ADAM18: variants seen among roughly 807,000 people sequenced by gnomAD.
ADAM18 encodes ADAM metallopeptidase domain 18, also known as disintegrin and metalloproteinase domain-containing protein 18.
Under a neutral mutation model 94.4 loss-of-function variants are expected in ADAM18, and 117 were observed. The observed-to-expected ratio is 1.24, with a 90% CI of 1.07 to 1.45. The LOEUF (loss-of-function observed/expected upper bound fraction) is 1.45, where lower values mean the gene tolerates loss of function less well. ADAM18 is among the 40% of genes most tolerant of loss of function. The pLI, the probability that ADAM18 is intolerant of heterozygous loss-of-function variation, is 0.00. For synonymous variants in ADAM18, 327 were observed against 291.6 expected (o/e 1.12, Z -1.24); for missense variants, 936 against 880.0 (o/e 1.06, Z -0.81).
intron 19 of ADAM18, among the ~76,000 whole-genome samples, chr8:39,729,017 T>C (rs576110543): frequency 6.6e-6 from 1 of 152,112 alleles, no homozygotes; most frequent in Non-Finnish European, 1.5e-5. Context: ...ATATTCTTAC[T>C]AGGATTGTTA....
intron 18 of ADAM18, among the ~76,000 whole-genome samples, chr8:39,708,900 G>A (rs898708430): frequency 2.0e-5 from 3 of 152,188 alleles, no homozygotes; most frequent in Admixed American, 6.5e-5. Context: ...CGGGCCCTGC[G>A]CCCGCATCTG....
chr8:39,721,910 C>A (rs1363453207), intron 18 of ADAM18, among the ~76,000 whole-genome samples: 1 of 150,742 alleles, frequency 6.6e-6, no homozygotes, highest in African/African-American at 2.4e-5. Context: ...TGCTAGCTAC[C>A]CAAAAGAAGA....
chr8:39,625,670 G>T (rs930341130), intron 6 of ADAM18, among the ~76,000 whole-genome samples: 2 of 151,818 alleles, frequency 1.3e-5, no homozygotes, highest in African/African-American at 4.8e-5. Context: ...CTCTCTGTGG[G>T]TTTGTCATAT....
rs143967659 is a variant in ADAM18, at chr8:39,610,685, C to T, written c.501C>T (p.Tyr167=). 3 of 1,613,006 alleles carry T rather than the reference C, an allele frequency of 1.9e-6. No individual in the cohort carries two copies. Among genetic ancestry groups the T allele is most frequent in the Admixed American group, 3.3e-5 (2 of 59,916 alleles). ...YSHIWQKDQP[Y]KVPLNSQIKN... ...ATATTTGGCAGAAAGACCAGCCCTA[C>T]AAAGTTCCTTTAAACTCACAGGTGA... The change falls in exon 6 of 20, where the codon TAC becomes TAT. Residue 167 remains tyrosine, a synonymous_variant. Transcript: ENST00000265707.
rs191242807 is a variant in ADAM18, at chr8:39,615,189, A to C, written c.522+4483A>C. ...TGCACATGGCATGTACTCTAAAATC[A>C]ACCACATGCTCGACCATAATGCAAT... On this transcript the variant is annotated intron_variant, in intron 6 of 19. Coordinates refer to ENST00000265707, the MANE Select transcript of ADAM18 (RefSeq NM_014237.3). 1.9e-3 allele frequency among the ~76,000 whole-genome samples: 294 copies of C among 152,146 alleles called. 3 individuals are homozygous for C. Among genetic ancestry groups the C allele is most frequent in the African/African-American group, 6.8e-3 (283 of 41,524 alleles).
intron 19 of ADAM18, among the ~76,000 whole-genome samples, chr8:39,724,374 G>T (rs901440663): frequency 6.6e-6 from 1 of 151,760 alleles, no homozygotes; most frequent in East Asian, 1.9e-4. Context: ...GTATTTTCTT[G>T]TAATCATTTT....
At chr8:39,718,553 G>T (rs888655314) in intron 18 of ADAM18, among the ~76,000 whole-genome samples, 3 of 151,436 alleles carry the variant, frequency 2.0e-5, no homozygotes, top group African/African-American at 7.3e-5. Flanking sequence ...TGGGGTGGTA[G>T]TATGATGGGG....
At position 39,606,292 on chromosome 8, in the gene ADAM18, T is replaced by C. The variant is rs200115951; in HGVS notation, c.133-15T>C. 1.3e-4 allele frequency: 183 copies of C among 1,438,990 alleles called. No individual in the cohort carries two copies. The Middle Eastern group carries it at 1.4e-3, about 11-fold the overall frequency. The allele number at this position is 1,438,990 out of a possible 1,614,324, so 89.1% of individuals were successfully genotyped here. A position where few individuals can be genotyped will look rare whatever the true frequency, so the allele number is the denominator to read the frequency against. On this transcript the variant is annotated splice_polypyrimidine_tract_variant and intron_variant, in intron 2 of 19. Transcript: ENST00000265707. ...TGGTTTCCTTCACAATCTTTACTGA[T>C]GTGTTTTATTTTAGATGATTTACAT...
chr8:39,711,412 G>T (rs1822394261), intron 18 of ADAM18, among the ~76,000 whole-genome samples: 1 of 152,158 alleles, frequency 6.6e-6, no homozygotes, highest in East Asian at 1.9e-4. Context: ...AAAATTAATT[G>T]ACAGAAATCA....
intron 2 of ADAM18, among the ~76,000 whole-genome samples, chr8:39,598,266 G>T (rs1314342317): frequency 6.6e-6 from 1 of 151,500 alleles, no homozygotes; most frequent in Admixed American, 6.6e-5. Flanking sequence ...TTTTCTTATT[G>T]CATTGGCTAG....
intron 6 of ADAM18, among the ~76,000 whole-genome samples, chr8:39,628,964 G>T (rs7464788): frequency 0.91 from 138,264 of 152,076 alleles, 63,028 homozygotes; most frequent in Middle Eastern, 0.98. Context: ...AATTTCAGTG[G>T]AGACTATGAG....
chr8:39,677,583 T>A (rs1216671701), intron 15 of ADAM18, 47 bp downstream of exon 15: 2 of 1,404,848 alleles, frequency 1.4e-6, no homozygotes, highest in Non-Finnish European at 1.9e-6. Flanking sequence ...AAAAATTATG[T>A]ATTTTTATCA....
intron 13 of ADAM18, among the ~76,000 whole-genome samples, chr8:39,664,694 C>A (rs1450546298): frequency 6.6e-6 from 1 of 152,004 alleles, no homozygotes; most frequent in East Asian, 1.9e-4. Flanking sequence ...TCATTGATAA[C>A]TGAAATGCAA....
intron 5 of ADAM18, 54 bp from the exon 6 acceptor site, chr8:39,610,475 G>T: frequency 1.3e-6 from 2 of 1,498,476 alleles, no homozygotes; most frequent in Non-Finnish European, 1.8e-6. Flanking sequence ...TCATTTTGAA[G>T]GGATCATTTG....
intron 2 of ADAM18, among the ~76,000 whole-genome samples, chr8:39,594,836 G>A (rs1347723719): frequency 1.4e-5 from 1 of 71,646 alleles, no homozygotes; most frequent in African/African-American, 5.5e-5. Context: ...TTCCTTTGTA[G>A]TCTCAATAGT....
In ADAM18 at chr8:39,612,196, C is replaced by T. The variant is rs907798145; in HGVS notation, c.522+1490C>T. 6.6e-5 allele frequency among the ~76,000 whole-genome samples: 10 copies of T among 151,528 alleles called. 1 individual carries two copies. The South Asian group carries it at 1.5e-3, about 22-fold the overall frequency. On this transcript the variant is annotated intron_variant, in intron 6 of 19. Transcript: ENST00000265707. ...CTGGACACAGCCAGGAAGGTTATCT[C>T]CCACCGGAAAACCAGACAAAGAAGA...
At chr8:39,587,389 A>C (rs1288814895) in intron 2 of ADAM18, among the ~76,000 whole-genome samples, 1 of 152,132 alleles carries the variant, frequency 6.6e-6, no homozygotes, top group African/African-American at 2.4e-5. Flanking sequence ...ATTTCTCTCG[A>C]CCCAGACCCC....
At chr8:39,672,897 T>C (rs564995144) in intron 14 of ADAM18, among the ~76,000 whole-genome samples, 1 of 152,330 alleles carries the variant, frequency 6.6e-6, no homozygotes, top group African/African-American at 2.4e-5. Flanking sequence ...AGGAGTTAAA[T>C]AGAGTCCTGG....
At chr8:39,609,822 T>C (rs1365650942) in intron 5 of ADAM18, among the ~76,000 whole-genome samples, 3 of 152,198 alleles carry the variant, frequency 2.0e-5, no homozygotes, top group Admixed American at 6.5e-5. Context: ...TAAGTATGAT[T>C]GTTGCATTCT....
Sources: gnomAD v4.1 joint callset for allele counts (sites outside exome capture counted in the v4.1 genomes callset) on GRCh38, gnomAD v4.1.1 for gene constraint, MANE v1.5 for transcripts, NCBI Gene and HGNC (gene_info 2026-07-23, HGNC 2026-07-21) for gene names.